The following BOK variants were observed in gnomAD, a reference collection of about 807,000 sequenced individuals.
The protein encoded by BOK is BCL2 family apoptosis regulator BOK, also known as bcl-2-related ovarian killer protein.
A neutral mutation model predicts 18.3 loss-of-function variants in BOK; 20 were observed. The observed-to-expected ratio is 1.09, with a 90% CI of 0.77 to 1.59. The LOEUF is 1.59. BOK is among the 40% of genes most tolerant of loss of function. The probability of loss-of-function intolerance (pLI) is 0.00; values close to 1 mark genes in which losing one functional copy is unlikely to be tolerated. For missense variants in BOK, 348 were observed against 307.9 expected (o/e 1.13, Z -0.97); for synonymous variants, 173 against 142.4 (o/e 1.21, Z -1.53).
In BOK at chr2:241,559,468, C is replaced by G. The variant is rs569000629; in HGVS notation, c.-16C>G. The G allele has an allele frequency of 5.9e-5, 86 of 1,450,444 alleles. No homozygotes were observed. The highest frequency in any genetic ancestry group is 1.2e-4 in the East Asian group (4 of 32,922). 89.8% of individuals were successfully genotyped at this position (1,450,444 alleles called of 1,614,324 possible). On this transcript the variant is annotated 5_prime_UTR_variant, in exon 2 of 5. Coordinates refer to ENST00000318407, the MANE Select transcript of BOK (RefSeq NM_032515.5). ...TTGTGCCCGCAGGTGCGGCGCCCCC[C>G]ACCCGCGTCGCCGCCATGGAGGTGC...
intron 1 of BOK, 53 bp from the exon 2 acceptor site, chr2:241,559,402 G>C: frequency 8.5e-7 from 1 of 1,175,826 alleles, no homozygotes; most frequent in South Asian, 2.7e-5. Context: ...CGCCCCGCGC[G>C]CCCCGTTCCC....
intron 2 of BOK, among the ~76,000 whole-genome samples, chr2:241,561,310 CG>C (rs1245661932): frequency 6.6e-6 from 1 of 152,256 alleles, no homozygotes. Context: ...AGCACTGGGG[CG>C]GTGGGCCTGT....
rs2066543099 is a variant in BOK at position 241,562,402 on chromosome 2, T to C, written c.275T>C (p.Leu92Pro). 1 of 1,612,168 alleles carries C rather than the reference T, an allele frequency of 6.2e-7. No individual in the cohort carries two copies. Among genetic ancestry groups the C allele is most frequent in the African/African-American group, 1.3e-5 (1 of 74,946 alleles). Residue 92 changes from leucine (L) to proline (P), a missense_variant, in exon 3 of 5, where the codon CTG (leucine) becomes CCG (proline). By Grantham distance (98) the Leu-to-Pro change is moderately conservative. Coordinates refer to ENST00000318407, the MANE Select transcript of BOK (RefSeq NM_032515.5). The surrounding 1 kb of genome is among the most constrained non-coding windows in gnomAD (Gnocchi z 4.5). The stretch of plus-strand genomic sequence containing the variant: ...GTCTACCGCAACGTGGCGCGTCAGC[T>C]GCACATCTCCCTGCAGTCTGAGCCT... ...PSVYRNVARQ[L>P]HISLQSEPVV...
rs1403626628 is a variant in BOK at position 241,572,905 on chromosome 2, C to T, written c.*483C>T. 1 of 136,116 alleles carries T rather than the reference C, an allele frequency of 7.3e-6. No individual in the cohort carries two copies. Among genetic ancestry groups the T allele is most frequent in the African/African-American group, 3.0e-5 (1 of 33,262 alleles). The allele number at this position is 136,116 out of a possible 1,614,324, so 8.4% of individuals were successfully genotyped here. On this transcript the variant is annotated 3_prime_UTR_variant, in exon 5 of 5. Transcript: ENST00000318407. ...CACCTGAGCCCCAGGTGAAGGGGCCCGGAACACCTGCTCTCACCTGAGCCC... is the reference window on the plus strand; with the variant it reads ...CACCTGAGCCCCAGGTGAAGGGGCCTGGAACACCTGCTCTCACCTGAGCCC...
chr2:241,564,709 G>A (rs2066583540), intron 3 of BOK, among the ~76,000 whole-genome samples: 1 of 152,190 alleles, frequency 6.6e-6, no homozygotes, highest in South Asian at 2.1e-4. Flanking sequence ...GGCCCCGGAA[G>A]GAAGCCAGGG....
intron 3 of BOK, among the ~76,000 whole-genome samples, chr2:241,566,630 C>T (rs1360848053): frequency 1.3e-5 from 2 of 152,092 alleles, no homozygotes; most frequent in African/African-American, 2.4e-5. Flanking sequence ...ATAAAGTTCT[C>T]GTGTTGCTGT....
At chr2:241,554,134 C>A (rs1328723628), upstream of BOK, among the ~76,000 whole-genome samples, 1 of 152,248 alleles carries the variant, frequency 6.6e-6, no homozygotes, top group African/African-American at 2.4e-5. Context: ...CAAGGCGGCA[C>A]AAGGCCACAG....
At chr2:241,560,339 C>T in intron 2 of BOK, 1 of 949,034 alleles carries the variant, frequency 1.1e-6, no homozygotes, top group Non-Finnish European at 1.3e-6. Context: ...CTGTGGCCGT[C>T]ACCTGGGAAT....
chr2:241,557,138 A>G (rs950311148), upstream of BOK, among the ~76,000 whole-genome samples: 25 of 152,144 alleles, frequency 1.6e-4, 1 homozygote, highest in Admixed American at 5.2e-4. Context: ...TATCAGTTCT[A>G]TTAATCTCTT....
Position 241,570,142 on chromosome 2 carries a change from G to C in BOK, c.367G>C (p.Val123Leu). ...IFSAGITWGK[V>L]VSLYAVAAGL... is the part of the protein sequence containing the mutation. Reference sequence around the variant, plus strand: ...CCCTGCAGGCATCACGTGGGGCAAGGTGGTGTCCCTGTATGCGGTGGCCGC... The same window carrying C: ...CCCTGCAGGCATCACGTGGGGCAAGCTGGTGTCCCTGTATGCGGTGGCCGC... The change falls in exon 4 of 5, where the codon GTG (valine) becomes CTG (leucine). Residue 123 changes from valine (V) to leucine (L), a missense_variant. Physicochemically the swap from Val to Leu is conservative, Grantham distance 32. Transcript: ENST00000318407. 2 of 1,611,730 alleles carry C rather than the reference G, an allele frequency of 1.2e-6. No homozygotes were observed. Among genetic ancestry groups the C allele is most frequent in the Non-Finnish European group, 1.7e-6 (2 of 1,179,408 alleles).
At chr2:241,570,071 G>A in intron 3 of BOK, 54 bp from the exon 4 acceptor site, 1 of 1,566,058 alleles carries the variant, frequency 6.4e-7, no homozygotes, top group East Asian at 2.3e-5. Context: ...CCTTCCTTAA[G>A]TGCTCCCGTG....
rs1286449820 is a variant in BOK at position 241,566,913 on chromosome 2, A to G, written c.350-3212A>G. On this transcript the variant is annotated intron_variant, in intron 3 of 4. Transcript: ENST00000318407. ...TCGTGGGATGATGAAAATGTTCTAG[A>G]ATTAGATAGAGGTGATGGTTGCACA... Among the ~76,000 whole-genome samples, 3 of 133,964 alleles carry G rather than the reference A, an allele frequency of 2.2e-5. 1 individual carries two copies. The East Asian group carries it at 7.9e-4, about 35-fold the overall frequency. The allele number at this position is 133,964 out of a possible 152,430, so 87.9% of individuals were successfully genotyped here. A position where few individuals can be genotyped will look rare whatever the true frequency, so the allele number is the denominator to read the frequency against.
intron 1 of BOK, among the ~76,000 whole-genome samples, chr2:241,551,918 G>A (rs551705856): frequency 8.6e-5 from 13 of 151,736 alleles, no homozygotes; most frequent in South Asian, 6.3e-4. Context: ...GGGGTGACCC[G>A]TGGGGTGGGG....
At chr2:241,565,333 A>G (rs2066594609) in intron 3 of BOK, among the ~76,000 whole-genome samples, 1 of 152,130 alleles carries the variant, frequency 6.6e-6, no homozygotes, top group Non-Finnish European at 1.5e-5. Context: ...GTGACCTGCA[A>G]CGGGTTTCTG....
At position 241,559,455 on chromosome 2, in the gene BOK, G is replaced by C. The variant is rs959835553; in HGVS notation, c.-29G>C. On this transcript the variant is annotated splice_region_variant and 5_prime_UTR_variant, in exon 2 of 5. Coordinates refer to ENST00000318407, the MANE Select transcript of BOK (RefSeq NM_032515.5). The stretch of plus-strand genomic sequence containing the variant: ...CCCGGCTGAGCGCTTGTGCCCGCAG[G>C]TGCGGCGCCCCCCACCCGCGTCGCC... 9 of 1,423,402 alleles carry C rather than the reference G, an allele frequency of 6.3e-6. No individual in the cohort carries two copies. In the African/African-American group the frequency reaches 1.2e-4, roughly 19 times the overall value. 88.2% of individuals were successfully genotyped at this position (1,423,402 alleles called of 1,614,324 possible).
At chr2:241,553,077 G>A (rs931326055) in intron 1 of BOK, among the ~76,000 whole-genome samples, 2 of 152,190 alleles carry the variant, frequency 1.3e-5, no homozygotes, top group Non-Finnish European at 2.9e-5. Flanking sequence ...CGACCCCCGT[G>A]GCCTGCAGGC....
At chr2:241,551,748 G>A (rs898835889) in intron 1 of BOK, among the ~76,000 whole-genome samples, 1 of 152,226 alleles carries the variant, frequency 6.6e-6, no homozygotes, top group Admixed American at 6.5e-5. Context: ...CGCCCAGGAG[G>A]AAGGCTTGCG....
rs1423604901 is a variant in BOK at position 241,559,523 on chromosome 2, A to G, written c.40A>G (p.Ile14Val). Residue 14 changes from isoleucine (I) to valine (V), a missense_variant, in exon 2 of 5, where the codon ATC becomes GTC. Coordinates refer to ENST00000318407, the MANE Select transcript of BOK (RefSeq NM_032515.5). Reference protein sequence around the residue: ...LRRSSVFAAEIMDAFDRSPTD... With the variant: ...LRRSSVFAAEVMDAFDRSPTD... ...GCGCTCCTCGGTCTTCGCCGCCGAG[A>G]TCATGGACGCCTTTGACCGCTCGCC... The G allele has an allele frequency of 6.6e-7, 1 of 1,512,340 alleles. No individual in the cohort carries two copies. Among genetic ancestry groups the G allele is most frequent in the Non-Finnish European group, 8.8e-7 (1 of 1,138,750 alleles). The allele number at this position is 1,512,340 out of a possible 1,614,324, so 93.7% of individuals were successfully genotyped here.
chr2:241,555,405 T>C (rs2066443528), upstream of BOK, among the ~76,000 whole-genome samples: 1 of 150,690 alleles, frequency 6.6e-6, no homozygotes, highest in African/African-American at 2.4e-5. Context: ...AGACAAAGTC[T>C]CGTTCTGTTG....
Sources: gnomAD v4.1 joint callset for allele counts (sites outside exome capture counted in the v4.1 genomes callset) on GRCh38, gnomAD v4.1.1 for gene constraint, Gnocchi (gnomAD v3.1) non-coding constraint, MANE v1.5 for transcripts, NCBI Gene and HGNC (gene_info 2026-07-23, HGNC 2026-07-21) for gene names.